RIF1: variants seen among roughly 807,000 people sequenced by gnomAD.
RIF1 encodes the protein telomere-associated protein RIF1.
In RIF1, 45 loss-of-function variants were observed where a neutral mutation model predicts 247.1. That is an observed-to-expected ratio of 0.18 (90% CI 0.14 to 0.23). RIF1 has a LOEUF of 0.23. RIF1 is among the 10% of genes least tolerant of loss of function. The pLI is 1.00. For missense variants in RIF1, 2,967 were observed against 2,862.5 expected, an observed-to-expected ratio of 1.04 and a Z score of -0.83; for synonymous variants, 1,087 against 978.8, an observed-to-expected ratio of 1.11 and a Z score of -2.06.
At position 151,464,883 on chromosome 2, in the gene RIF1, T is replaced by C. The variant is rs1696676023; in HGVS notation, c.5363T>C (p.Leu1788Ser). 6.3e-7 allele frequency: 1 copy of C among 1,594,992 alleles called. No individual in the cohort carries two copies. Among genetic ancestry groups the C allele is most frequent in the Non-Finnish European group, 8.5e-7 (1 of 1,174,390 alleles). Residue 1788 changes from leucine (L) to serine (S), a missense_variant, in exon 30 of 36, where the codon TTA becomes TCA. This residue lies in a region of RIF1 where 2,028 missense variants were observed against 1,825.6 expected (regional missense o/e 1.11). Coordinates refer to ENST00000444746, the MANE Select transcript of RIF1 (RefSeq NM_018151.5). ...QANPYSEGQF[L>S]DEHHSVNFHL... ...AATCCATATTCTGAAGGACAATTTTTAGATGAACATCATAGTGTGAATTTT... is the reference window on the plus strand; with the variant it reads ...AATCCATATTCTGAAGGACAATTTTCAGATGAACATCATAGTGTGAATTTT...
At chr2:151,417,456 T>G (rs954704710) in intron 6 of RIF1, among the ~76,000 whole-genome samples, 1 of 152,234 alleles carries the variant, frequency 6.6e-6, no homozygotes, top group African/African-American at 2.4e-5. Flanking sequence ...TCTCTGGCTA[T>G]CCTTTTCTAT....
chr2:151,462,241 G>A lies in RIF1; in HGVS notation c.3228-1G>A. On this transcript the variant is annotated splice_acceptor_variant, in intron 27 of 35. Transcript: ENST00000444746. LOFTEE classifies it high-confidence loss of function. ...AGTTACTTATATATAGTTTTTTTCA[G>A]GTGTGATATTCCTGCCATGTATAAT... The A allele has an allele frequency of 6.4e-7, 1 of 1,558,038 alleles. No individual in the cohort carries two copies. Among genetic ancestry groups the A allele is most frequent in the Non-Finnish European group, 8.7e-7 (1 of 1,143,228 alleles).
chr2:151,479,475 C>T lies in RIF1; in HGVS notation c.*4404C>T, dbSNP rs997929065. 6.6e-6 allele frequency: 1 copy of T among 151,886 alleles called. No individual in the cohort carries two copies. The allele number at this position is 151,886 out of a possible 1,614,324, so 9.4% of individuals were successfully genotyped here. On this transcript the variant is annotated 3_prime_UTR_variant, in exon 36 of 36. Transcript: ENST00000444746. ...TATTTAGTCTCTAAATAAATCTTGC[C>T]TTCTATTATGGATCATCGTTATTAA...
chr2:151,485,730 C>T, downstream of RIF1: 1 of 1,577,616 alleles, frequency 6.3e-7, no homozygotes, highest in South Asian at 1.2e-5. Flanking sequence ...ATCTGTAAGT[C>T]CTGCAGACAA....
At position 151,465,808 on chromosome 2, in the gene RIF1, AAAATT is replaced by A; in HGVS notation, c.6290_6294del (p.Lys2097ArgfsTer2). The A allele has an allele frequency of 6.2e-7, 1 of 1,613,372 alleles. No individual in the cohort carries two copies. The highest frequency in any genetic ancestry group is 8.5e-7 in the Non-Finnish European group (1 of 1,179,312). On this transcript the variant is annotated frameshift_variant, in exon 30 of 36. Transcript: ENST00000444746. LOFTEE classifies it high-confidence loss of function. Reference sequence around the variant, plus strand: ...ATACTGAGTATAGTAAATCTGAAGAAAAATTAGATAACAATCAAATGGTAATGGAA... The same window carrying A: ...ATACTGAGTATAGTAAATCTGAAGAAAGATAACAATCAAATGGTAATGGAA...
Position 151,438,687 on chromosome 2 carries a change from T to G in RIF1, c.1487T>G (p.Val496Gly), listed in dbSNP as rs766929144. 3 of 1,610,302 alleles carry G rather than the reference T, an allele frequency of 1.9e-6. No individual in the cohort carries two copies. Among genetic ancestry groups the G allele is most frequent in the Non-Finnish European group, 1.7e-6 (2 of 1,176,562 alleles). ...TCAAGTTTATTTTGTTTGACAGATG[T>G]GGTTGTCAGTGCTATCTGGAAGGAG... The part of the protein sequence containing the change: ...FVAVGKDAPD[V>G]VVSAIWKELI... Residue 496 changes from valine (V) to glycine (G), a missense_variant, in exon 14 of 36, where the codon GTG becomes GGG. Val to Gly is a moderately radical substitution (Grantham distance 109). This residue lies in a region of RIF1 where 369 missense variants were observed against 322.0 expected (regional missense o/e 1.15). Transcript: ENST00000444746.
rs201792631 is a variant in RIF1, at chr2:151,469,779, C to G, written c.7010C>G (p.Thr2337Arg). The change falls in exon 34 of 36, where the codon ACA becomes AGA. Residue 2337 changes from threonine (T) to arginine (R), a missense_variant. Thr to Arg is a moderately conservative substitution (Grantham distance 71). Around this residue, in one of 7 missense-constraint regions of RIF1, gnomAD observed 151 missense variants for 163.4 expected, o/e 0.92. Coordinates refer to ENST00000444746, the MANE Select transcript of RIF1 (RefSeq NM_018151.5). ...IKTIGDLSTL[T>R]ASEIKTLPIR... ...ACTATTGGTGATTTGAGTACTCTTA[C>G]AGCATCTGAAATAAAAACTCTTCCT... 1.2e-6 allele frequency: 2 copies of G among 1,611,520 alleles called. No individual in the cohort carries two copies. The highest frequency in any genetic ancestry group is 2.2e-5 in the East Asian group (1 of 44,790).
chr2:151,517,984 G>A, the RIF1 span, among the ~76,000 whole-genome samples: 21 of 152,160 alleles, frequency 1.4e-4, no homozygotes, highest in East Asian at 4.1e-3. Context: ...AAATCTTCCT[G>A]ACTCCCTATA....
In RIF1 at chr2:151,465,339, A is replaced by T; in HGVS notation, c.5819A>T (p.Glu1940Val). 1 of 1,613,906 alleles carries T rather than the reference A, an allele frequency of 6.2e-7. No individual in the cohort carries two copies. The highest frequency in any genetic ancestry group is 8.5e-7 in the Non-Finnish European group (1 of 1,179,946). ...QERTKTGISE[E>V]AAIEENKRND... The stretch of plus-strand genomic sequence containing the variant: ...AGAACCAAAACTGGTATTTCTGAAG[A>T]AGCAGCAATAGAAGAAAATAAAAGA... The change falls in exon 30 of 36, where the codon GAA becomes GTA. Residue 1940 changes from glutamate (E) to valine (V), a missense_variant. By Grantham distance (121) the Glu-to-Val change is moderately radical. This residue lies in a region of RIF1 where 2,028 missense variants were observed against 1,825.6 expected (regional missense o/e 1.11). Coordinates refer to ENST00000444746, the MANE Select transcript of RIF1 (RefSeq NM_018151.5).
chr2:151,473,164 A>T (rs2048686445), intron 34 of RIF1, among the ~76,000 whole-genome samples: 2 of 152,046 alleles, frequency 1.3e-5, no homozygotes, highest in Admixed American at 1.3e-4. Context: ...TTGTATATAT[A>T]CCTAGAAGTG....
rs773540121 is a variant in RIF1, at chr2:151,463,956, T to C, written c.4436T>C (p.Ile1479Thr). The C allele has an allele frequency of 8.1e-6, 13 of 1,609,718 alleles. No individual in the cohort carries two copies. In the South Asian group the frequency reaches 1.3e-4, roughly 17 times the overall value. Residue 1479 changes from isoleucine (I) to threonine (T), a missense_variant, in exon 30 of 36, where the codon ATT becomes ACT. Ile to Thr is a moderately conservative substitution (Grantham distance 89). Transcript: ENST00000444746. ...IAEQTLQENL[I>T]EKGSNLHEKT... Reference sequence around the variant, plus strand: ...GAACAAACTCTACAGGAGAATTTAATTGAGAAAGGAAGTAATTTACATGAG... The same window carrying C: ...GAACAAACTCTACAGGAGAATTTAACTGAGAAAGGAAGTAATTTACATGAG...
chr2:151,433,514 G>C (rs1690556296), intron 10 of RIF1, among the ~76,000 whole-genome samples: 1 of 152,076 alleles, frequency 6.6e-6, no homozygotes, highest in African/African-American at 2.4e-5. Flanking sequence ...GAGTGCAGTG[G>C]CACGATCTCG....
intron 9 of RIF1, among the ~76,000 whole-genome samples, chr2:151,487,478 A>G (rs1397923741): frequency 6.6e-6 from 1 of 152,192 alleles, no homozygotes; most frequent in Non-Finnish European, 1.5e-5. Flanking sequence ...TATAAATAAT[A>G]CTGTGATTTG....
chr2:151,455,956 C>T (rs952101919), intron 22 of RIF1, among the ~76,000 whole-genome samples: 1 of 152,100 alleles, frequency 6.6e-6, no homozygotes, highest in Non-Finnish European at 1.5e-5. Flanking sequence ...ATTATTTATA[C>T]GTAAATCATT....
chr2:151,458,091 A>G (rs1695499251), intron 24 of RIF1, 128 bp downstream of exon 24: 2 of 608,828 alleles, frequency 3.3e-6, no homozygotes, highest in Admixed American at 3.2e-5. Context: ...AAATATTACC[A>G]TTTGGAATAC....
chr2:151,455,029 C>T lies in RIF1; in HGVS notation c.2479C>T (p.Leu827Phe). ...CTTCAAGGAAGCACATTCTGATACC[C>T]TCTTCACTATTGGCAACTCAATCAC... ...LSFKEAHSDT[L>F]FTIGNSITGI... is the part of the protein sequence containing the mutation. Residue 827 changes from leucine to phenylalanine, a missense_variant, in exon 22 of 36, where the codon CTC (leucine) becomes TTC (phenylalanine). Leu to Phe is a conservative substitution (Grantham distance 22, BLOSUM62 0). This residue lies in a region of RIF1 where 2,028 missense variants were observed against 1,825.6 expected (regional missense o/e 1.11). Transcript: ENST00000444746. 2 of 1,613,920 alleles carry T rather than the reference C, an allele frequency of 1.2e-6. No homozygotes were observed. The highest frequency in any genetic ancestry group is 1.7e-6 in the Non-Finnish European group (2 of 1,179,866).
chr2:151,442,047 T>TA, intron 16 of RIF1, 56 bp downstream of exon 16: 1 of 445,114 alleles, frequency 2.2e-6, no homozygotes, highest in Non-Finnish European at 3.9e-6. Flanking sequence ...TATACTTCCC[T>TA]TTTTTATTTT....
chr2:151,413,534 A>T (rs555115863), intron 3 of RIF1, among the ~76,000 whole-genome samples: 60 of 152,336 alleles, frequency 3.9e-4, no homozygotes, highest in African/African-American at 1.4e-3. Context: ...GTGTCTAGGA[A>T]TCTACAACAT....
In RIF1 at chr2:151,455,036, C is replaced by T. The variant is rs765977590; in HGVS notation, c.2486C>T (p.Thr829Ile). 1.2e-6 allele frequency: 2 copies of T among 1,613,778 alleles called. No individual in the cohort carries two copies. The highest frequency in any genetic ancestry group is 3.3e-5 in the Admixed American group (2 of 59,994). ...GAAGCACATTCTGATACCCTCTTCA[C>T]TATTGGCAACTCAATCACCGGCATT... Reference protein sequence around the residue: ...FKEAHSDTLFTIGNSITGIIS... With the variant: ...FKEAHSDTLFIIGNSITGIIS... The change falls in exon 22 of 36, where the codon ACT becomes ATT. Residue 829 changes from threonine (T) to isoleucine (I), a missense_variant. Thr to Ile is a moderately conservative substitution (Grantham distance 89, BLOSUM62 -1). Transcript: ENST00000444746.
Sources: gnomAD v4.1 joint callset for allele counts (sites outside exome capture counted in the v4.1 genomes callset) on GRCh38, gnomAD v4.1.1 for gene constraint, gnomAD v4.1.1 regional missense constraint, MANE v1.5 for transcripts, NCBI Gene and HGNC (gene_info 2026-07-23, HGNC 2026-07-21) for gene names.